Variants in OSBPL1A observed in about 807,000 individuals in gnomAD.
OSBPL1A encodes the protein oxysterol-binding protein-related protein 1.
OSBPL1A carries 80 observed loss-of-function variants against 137.1 expected under a neutral mutation model. The observed-to-expected ratio is 0.58, with a 90% confidence interval of 0.49 to 0.70. The LOEUF is 0.70. Among genes scored for constraint, OSBPL1A ranks in the 30% least tolerant of loss-of-function variants. The pLI is 0.00. For synonymous variants in OSBPL1A, 365 were observed against 389.7 expected (o/e 0.94, Z 0.75); for missense variants, 970 against 1,129.4 (o/e 0.86, Z 2.02).
In OSBPL1A at chr18:24,376,862, C is replaced by G. The variant is rs567125582; in HGVS notation, c.121+551G>C. ...ATTGCCAGGGGCCGACAGGGCCGGC[C>G]GGCTGCTCCCAGTGCGGGGCCCACC... On this transcript the variant is annotated intron_variant, in intron 2 of 27. Transcript: ENST00000319481. Among the ~76,000 whole-genome samples, 112 of 152,368 alleles carry G rather than the reference C, an allele frequency of 7.4e-4. 1 individual carries two copies. Among genetic ancestry groups the G allele is most frequent in the African/African-American group, 1.9e-3 (81 of 41,594 alleles).
chr18:24,166,919 A>G lies in OSBPL1A; in HGVS notation c.2536-217T>C, dbSNP rs184222654. On this transcript the variant is annotated intron_variant, in intron 25 of 27. Coordinates refer to ENST00000319481, the MANE Select transcript of OSBPL1A (RefSeq NM_080597.4). ...AAAATCTCAAAGCAGGCTTTGCAGA[A>G]TAAATATCCTCTATCATGATCAACT... Among the ~76,000 whole-genome samples, 4 of 152,354 alleles carry G rather than the reference A, an allele frequency of 2.6e-5. No homozygotes were observed. In the East Asian group the frequency reaches 7.7e-4, roughly 29 times the overall value.
chr18:24,209,249 C>T (rs764027130), intron 17 of OSBPL1A, among the ~76,000 whole-genome samples: 72 of 152,070 alleles, frequency 4.7e-4, no homozygotes, highest in Non-Finnish European at 6.5e-4. Context: ...CAAAGACATA[C>T]AAACAAATTT....
rs368149255 is a variant in OSBPL1A, at chr18:24,240,485, A to G, written c.1282-1103T>C. 1.3e-4 allele frequency among the ~76,000 whole-genome samples: 20 copies of G among 152,342 alleles called. 1 individual carries two copies. Among genetic ancestry groups the G allele is most frequent in the African/African-American group, 4.8e-4 (20 of 41,582 alleles). On this transcript the variant is annotated intron_variant, in intron 15 of 27. Transcript: ENST00000319481. ...GATAGGGACAGTTTTGCCTATTTTC[A>G]TATCAGTAGTCCGGAAATCACTACT...
At chr18:24,287,278 G>A (rs774891498) in intron 14 of OSBPL1A, among the ~76,000 whole-genome samples, 6 of 152,190 alleles carry the variant, frequency 3.9e-5, no homozygotes, top group Non-Finnish European at 5.9e-5. Flanking sequence ...TGAGAAAAAC[G>A]GAGTCAATGA....
intron 17 of OSBPL1A, 101 bp from the exon 18 acceptor site, chr18:24,196,301 C>A: frequency 1.3e-6 from 1 of 796,832 alleles, no homozygotes; most frequent in Non-Finnish European, 2.0e-6. Context: ...CACAGAAAGA[C>A]CCTTTAAAAA....
At chr18:24,224,923 T>C (rs1026928442) in intron 17 of OSBPL1A, 119 bp downstream of exon 17, 44 of 1,275,256 alleles carry the variant, frequency 3.5e-5, no homozygotes, top group African/African-American at 2.2e-4. Flanking sequence ...TTTGAGGTGA[T>C]ATAGCAATAT....
At chr18:24,291,635 C>G (rs2090174721) in intron 14 of OSBPL1A, among the ~76,000 whole-genome samples, 1 of 151,908 alleles carries the variant, frequency 6.6e-6, no homozygotes, top group Non-Finnish European at 1.5e-5. Context: ...ATAAATGAGT[C>G]CTTGAATTAA....
Position 24,196,105 on chromosome 18 carries a change from T to C in OSBPL1A, c.1677+20A>G, listed in dbSNP as rs1410246788. On this transcript the variant is annotated intron_variant, in intron 18 of 27. Coordinates refer to ENST00000319481, the MANE Select transcript of OSBPL1A (RefSeq NM_080597.4). ...TTAAACATATCTGCTTAATATCATA[T>C]GACAAAACCATTAATTTACCATTCC... 6.3e-7 allele frequency: 1 copy of C among 1,580,510 alleles called. No homozygotes were observed. The highest frequency in any genetic ancestry group is 1.3e-5 in the African/African-American group (1 of 74,228).
intron 16 of OSBPL1A, among the ~76,000 whole-genome samples, chr18:24,236,695 G>C (rs2088488571): frequency 1.3e-5 from 2 of 152,148 alleles, no homozygotes. Context: ...GGCAGGATGT[G>C]CTGATGAGCC....
chr18:24,276,825 T>C (rs546005985), intron 15 of OSBPL1A, among the ~76,000 whole-genome samples: 1 of 152,182 alleles, frequency 6.6e-6, no homozygotes, highest in Non-Finnish European at 1.5e-5. Context: ...ACCTCGATTA[T>C]GTAGATCATA....
chr18:24,246,615 A>AC (rs2088896860), intron 15 of OSBPL1A, among the ~76,000 whole-genome samples: 1 of 151,870 alleles, frequency 6.6e-6, no homozygotes, highest in South Asian at 2.1e-4. Flanking sequence ...ACATGGTGAA[A>AC]CCCCGTCTCT....
intron 21 of OSBPL1A, among the ~76,000 whole-genome samples, chr18:24,174,322 G>C (rs2086369408): frequency 6.6e-6 from 1 of 152,112 alleles, no homozygotes; most frequent in South Asian, 2.1e-4. Flanking sequence ...CTCCAGGGTG[G>C]CTCTACCATT....
intron 14 of OSBPL1A, among the ~76,000 whole-genome samples, chr18:24,302,019 G>C (rs1032275372): frequency 6.6e-6 from 1 of 152,122 alleles, no homozygotes; most frequent in Non-Finnish European, 1.5e-5. Context: ...ACAAGGTCAG[G>C]AGATCGAGAG....
intron 11 of OSBPL1A, among the ~76,000 whole-genome samples, chr18:24,316,703 A>T (rs1248465566): frequency 1.3e-5 from 2 of 152,206 alleles, no homozygotes; most frequent in African/African-American, 4.8e-5. Flanking sequence ...TCAGCAACTG[A>T]TACAACCACT....
chr18:24,387,041 AATAT>A (rs1335832517), intron 1 of OSBPL1A, among the ~76,000 whole-genome samples: 2 of 151,970 alleles, frequency 1.3e-5, no homozygotes, highest in African/African-American at 4.8e-5. Context: ...ATATTTTTGA[AATAT>A]ATATATTTCT....
At chr18:24,355,987 AAAAAAAAAAAAAAG>A (rs1329544512) in intron 4 of OSBPL1A, among the ~76,000 whole-genome samples, 1 of 115,256 alleles carries the variant, frequency 8.7e-6, no homozygotes, top group Admixed American at 7.8e-5. Context: ...TCTTGTCTCA[AAAAAAAAAAAAAAG>A]AAAAGAAAAA....
intron 17 of OSBPL1A, among the ~76,000 whole-genome samples, chr18:24,210,239 A>G (rs1300507771): frequency 1.3e-5 from 2 of 152,158 alleles, no homozygotes; most frequent in African/African-American, 4.8e-5. Flanking sequence ...AGCCTGGCCA[A>G]CATGTTGAAA....
In OSBPL1A at chr18:24,366,841, T is replaced by C. The variant is rs1201265990; in HGVS notation, c.282+51A>G. 3.9e-6 allele frequency: 6 copies of C among 1,545,124 alleles called. No individual in the cohort carries two copies. The South Asian group carries it at 4.7e-5, about 12-fold the overall frequency. ...TTATAACAGAGAAAACAATGGTAAC[T>C]ACTCCTCCAAATACCTCACTTACAA... On this transcript the variant is annotated intron_variant, in intron 4 of 27. Coordinates refer to ENST00000319481, the MANE Select transcript of OSBPL1A (RefSeq NM_080597.4).
chr18:24,174,020 A>G (rs569058526), intron 21 of OSBPL1A, among the ~76,000 whole-genome samples: 1 of 152,280 alleles, frequency 6.6e-6, no homozygotes, highest in East Asian at 1.9e-4. Flanking sequence ...TAGCATCTTC[A>G]ATTTGTATAA....
Sources: gnomAD v4.1 joint callset for allele counts (sites outside exome capture counted in the v4.1 genomes callset) on GRCh38, gnomAD v4.1.1 for gene constraint, MANE v1.5 for transcripts, NCBI Gene and HGNC (gene_info 2026-07-23, HGNC 2026-07-21) for gene names.